The following IL18 variants were observed in gnomAD, a reference collection of about 807,000 sequenced individuals.
IL18 encodes interleukin 18, also known as interleukin-18.
Under a neutral mutation model 14.2 loss-of-function variants are expected in IL18, and 8 were observed. That is an observed-to-expected ratio of 0.56 (90% CI 0.33 to 1.01). IL18 has a LOEUF of 1.01. Among genes scored for constraint, IL18 ranks in the 50% least tolerant of loss-of-function variants. The probability of loss-of-function intolerance (pLI) is 0.03; values close to 1 mark genes in which losing one functional copy is unlikely to be tolerated. For missense variants in IL18, 166 were observed against 231.1 expected, an observed-to-expected ratio of 0.72 and a Z score of 1.83; for synonymous variants, 67 against 71.0, an observed-to-expected ratio of 0.94 and a Z score of 0.28.
At chr11:112,163,485 A>G (rs968722986) in intron 1 of IL18, among the ~76,000 whole-genome samples, 4 of 152,214 alleles carry the variant, frequency 2.6e-5, no homozygotes, top group African/African-American at 9.6e-5. Flanking sequence ...ATTCTGTGCA[A>G]TATTGCAATA....
In IL18 at chr11:112,143,409, T is replaced by C; in HGVS notation, c.*187A>G. ...GATTCTCCTGCCTCAGCCTCTTGAG[T>C]AGCTGGGATTGAGGGCATGCGTCAC... is the stretch of plus-strand genomic sequence containing the variant. On this transcript the variant is annotated 3_prime_UTR_variant, in exon 6 of 6. Transcript: ENST00000280357. 1 of 481,788 alleles carries C rather than the reference T, an allele frequency of 2.1e-6. No homozygotes were observed. Among genetic ancestry groups the C allele is most frequent in the Admixed American group, 3.8e-5 (1 of 26,342 alleles). 29.8% of individuals were successfully genotyped at this position (481,788 alleles called of 1,614,324 possible). A position where few individuals can be genotyped will look rare whatever the true frequency, so the allele number is the denominator to read the frequency against.
At chr11:112,156,126 G>A (rs533932522) in intron 1 of IL18, among the ~76,000 whole-genome samples, 3 of 152,218 alleles carry the variant, frequency 2.0e-5, no homozygotes, top group African/African-American at 7.2e-5. Flanking sequence ...AAATTAAATG[G>A]TATGCAGGAG....
At chr11:112,161,748 C>G (rs907319233) in intron 1 of IL18, among the ~76,000 whole-genome samples, 2 of 152,132 alleles carry the variant, frequency 1.3e-5, no homozygotes, top group African/African-American at 4.8e-5. Flanking sequence ...TGCAGTGAGC[C>G]GAGTTCGTGC....
chr11:112,160,895 T>C (rs535661434), intron 1 of IL18, among the ~76,000 whole-genome samples: 101 of 152,310 alleles, frequency 6.6e-4, no homozygotes, highest in Non-Finnish European at 1.3e-3. Context: ...TTCTTGTTAG[T>C]TCTCAATACA....
In IL18 at chr11:112,143,482, A is replaced by G; in HGVS notation, c.*114T>C. 2 of 636,544 alleles carry G rather than the reference A, an allele frequency of 3.1e-6. No individual in the cohort carries two copies. The highest frequency in any genetic ancestry group is 1.9e-5 in the South Asian group (1 of 51,294). The allele number at this position is 636,544 out of a possible 1,614,324, so 39.4% of individuals were successfully genotyped here. On this transcript the variant is annotated 3_prime_UTR_variant, in exon 6 of 6. Coordinates refer to ENST00000280357, the MANE Select transcript of IL18 (RefSeq NM_001562.4). ...TTTTTAGTAGAGATGAGGTTTCACC[A>G]TGTTGGTCAGGCTGGTCTTGAACAC...
At position 112,154,962 on chromosome 11, in the gene IL18, G is replaced by T. The variant is rs768151939; in HGVS notation, c.79+13C>A. 1.3e-6 allele frequency: 2 copies of T among 1,519,048 alleles called. No individual in the cohort carries two copies. Among genetic ancestry groups the T allele is most frequent in the East Asian group, 4.5e-5 (2 of 44,390 alleles). 94.1% of individuals were successfully genotyped at this position (1,519,048 alleles called of 1,614,324 possible). Reference sequence around the variant, plus strand: ...ATCTGAACCTGGTATTTGTTCTATGGCATTAGCCTTACCTATAAAGTAAAG... The same window carrying T: ...ATCTGAACCTGGTATTTGTTCTATGTCATTAGCCTTACCTATAAAGTAAAG... On this transcript the variant is annotated intron_variant, in intron 2 of 5. Coordinates refer to ENST00000280357, the MANE Select transcript of IL18 (RefSeq NM_001562.4).
intron 5 of IL18, 21 bp downstream of exon 5, chr11:112,148,582 C>G (rs1866381229): frequency 1.5e-6 from 2 of 1,323,222 alleles, no homozygotes; most frequent in Non-Finnish European, 1.0e-6. Flanking sequence ...TGATTGAAAA[C>G]AAAGTAAGGC....
rs1866381895 is a variant in IL18 at position 112,148,630 on chromosome 11, GGAGA to G, written c.329_332del (p.Leu110ProfsTer12). 6.6e-7 allele frequency: 1 copy of G among 1,517,920 alleles called. No homozygotes were observed. The highest frequency in any genetic ancestry group is 2.1e-5 in the Admixed American group (1 of 46,650). 94.0% of individuals were successfully genotyped at this position (1,517,920 alleles called of 1,614,324 possible). On this transcript the variant is annotated frameshift_variant, in exon 5 of 6. Transcript: ENST00000280357. LOFTEE classifies it low-confidence loss of function (END_TRUNC). ...TAAAGGAAATAATTTTGTTCTCACAGGAGAGAGTTGAAATTTTCTCACACTTCAC... is the reference window on the plus strand; with the variant it reads ...TAAAGGAAATAATTTTGTTCTCACAGGAGTTGAAATTTTCTCACACTTCAC...
intron 2 of IL18, among the ~76,000 whole-genome samples, chr11:112,154,208 G>T (rs902165576): frequency 6.6e-6 from 1 of 152,108 alleles, no homozygotes; most frequent in Admixed American, 6.6e-5. Flanking sequence ...AAGCCAAATT[G>T]TTCACAGAAG....
intron 1 of IL18, among the ~76,000 whole-genome samples, chr11:112,163,616 T>C (rs1866672565): frequency 6.6e-6 from 1 of 152,078 alleles, no homozygotes; most frequent in Non-Finnish European, 1.5e-5. Context: ...GTTAAAAAAG[T>C]ACATAGTTAT....
At position 112,148,680 on chromosome 11, in the gene IL18, C is replaced by T; in HGVS notation, c.283G>A (p.Gly95Ser). 3.3e-6 allele frequency: 5 copies of T among 1,503,466 alleles called. No individual in the cohort carries two copies. Among genetic ancestry groups the T allele is most frequent in the Non-Finnish European group, 4.5e-6 (5 of 1,114,884 alleles). The allele number at this position is 1,503,466 out of a possible 1,614,324, so 93.1% of individuals were successfully genotyped here. Reference sequence around the variant, plus strand: ...TTCACAGAGATAGTTACAGCCATACCTCTAGGCTGGCTATCTTTATACATA... The same window carrying T: ...TTCACAGAGATAGTTACAGCCATACTTCTAGGCTGGCTATCTTTATACATA... ...ISMYKDSQPR[G>S]MAVTISVKCE... Residue 95 changes from glycine to serine, a missense_variant, in exon 5 of 6, where the codon GGT (glycine) becomes AGT (serine). Gly to Ser is a moderately conservative substitution (Grantham distance 56). Transcript: ENST00000280357.
rs188686021 is a variant in IL18, at chr11:112,149,796, T to C, written c.226+276A>G. The stretch of plus-strand genomic sequence containing the variant: ...CAAGCAGGGATTAAGCATCCAACTA[T>C]AGAGGTTTTAAACAGTTAATGCAAT... On this transcript the variant is annotated intron_variant, in intron 4 of 5. Coordinates refer to ENST00000280357, the MANE Select transcript of IL18 (RefSeq NM_001562.4). Among the ~76,000 whole-genome samples the C allele has an allele frequency of 9.2e-5, 14 of 152,148 alleles. No individual in the cohort carries two copies. The East Asian group carries it at 2.5e-3, about 27-fold the overall frequency.
chr11:112,163,323 C>T (rs5744232), intron 1 of IL18, among the ~76,000 whole-genome samples: 2,015 of 149,094 alleles, frequency 0.014, 23 homozygotes, highest in Middle Eastern at 0.038. Context: ...CTTGAGATTC[C>T]GTTTAAAGAG....
chr11:112,154,912 A>G, intron 2 of IL18, 63 bp downstream of exon 2: 1 of 1,046,904 alleles, frequency 9.6e-7, no homozygotes, highest in Non-Finnish European at 1.5e-6. Flanking sequence ...TCACCTCACA[A>G]CATCTTTTCT....
chr11:112,161,470 T>A (rs1193628669), intron 1 of IL18, among the ~76,000 whole-genome samples: 1 of 152,346 alleles, frequency 6.6e-6, no homozygotes, highest in South Asian at 2.1e-4. Flanking sequence ...ATATTTATTA[T>A]ACAACCAGCA....
At chr11:112,151,213 A>G (rs2135314729) in intron 3 of IL18, 1 of 152,332 alleles carries the variant, frequency 6.6e-6, no homozygotes, top group African/African-American at 2.4e-5. Context: ...ATATGCCCTT[A>G]TTGTGAAATA....
chr11:112,150,253 T>C, intron 3 of IL18, 47 bp from the exon 4 acceptor site: 4 of 1,275,062 alleles, frequency 3.1e-6, no homozygotes, highest in Non-Finnish European at 4.5e-6. Context: ...GTTTCTTTGT[T>C]AATTGACAAA....
intron 1 of IL18, among the ~76,000 whole-genome samples, chr11:112,159,502 C>T (rs964215257): frequency 2.0e-5 from 3 of 152,234 alleles, no homozygotes; most frequent in African/African-American, 7.2e-5. Flanking sequence ...CTCAGCTGAT[C>T]TGTTGTGGGT....
rs200438945 is a variant in IL18 at position 112,143,562 on chromosome 11, G to A, written c.*34C>T. 421 of 1,445,952 alleles carry A rather than the reference G, an allele frequency of 2.9e-4. 1 individual carries two copies. Among genetic ancestry groups the A allele is most frequent in the Admixed American group, 1.7e-3 (90 of 53,482 alleles). The allele number at this position is 1,445,952 out of a possible 1,614,324, so 89.6% of individuals were successfully genotyped here. ...CTCCCAAAGGGCTGGGATTACAGGC[G>A]TGAGCCACTGCGCCCGGCATGAAAT... On this transcript the variant is annotated 3_prime_UTR_variant, in exon 6 of 6. Transcript: ENST00000280357.
Sources: allele counts gnomAD v4.1 joint callset (sites outside exome capture counted in the v4.1 genomes callset), GRCh38; gene constraint gnomAD v4.1.1; transcripts MANE v1.5; gene names NCBI Gene and HGNC (gene_info 2026-07-23, HGNC 2026-07-21).